DOK6: variants seen among roughly 807,000 people sequenced by gnomAD.
The protein encoded by DOK6 is downstream of tyrosine kinase 6.
In DOK6, 22 loss-of-function variants were observed where a neutral mutation model predicts 44.0. That is an observed-to-expected ratio of 0.50 (90% CI 0.36 to 0.71). DOK6 has a LOEUF of 0.71. Ranked by LOEUF, DOK6 falls within the 30% of genes least tolerant of loss-of-function variation. The pLI, the probability that DOK6 is intolerant of heterozygous loss-of-function variation, is 0.00. For missense variants in DOK6, 340 were observed against 416.4 expected, an observed-to-expected ratio of 0.82 and a Z score of 1.60; for synonymous variants, 166 against 145.5, an observed-to-expected ratio of 1.14 and a Z score of -1.01.
chr18:69,454,967 A>T (rs572205220), intron 1 of DOK6, among the ~76,000 whole-genome samples: 11 of 143,202 alleles, frequency 7.7e-5, no homozygotes, highest in Admixed American at 7.0e-4. Flanking sequence ...CTAGATGACG[A>T]GTTAGTGGGT....
chr18:69,402,604 G>T (rs1916124514), intron 1 of DOK6, among the ~76,000 whole-genome samples: 1 of 152,180 alleles, frequency 6.6e-6, no homozygotes, highest in African/African-American at 2.4e-5. Flanking sequence ...CCTCTGCTGG[G>T]TTTCGCATTA....
intron 7 of DOK6, 122 bp from the exon 8 acceptor site, chr18:69,841,122 C>T (rs150146594): frequency 2.3e-6 from 3 of 1,278,744 alleles, no homozygotes; most frequent in African/African-American, 1.5e-5. Flanking sequence ...GATGTGAAAG[C>T]TGCTGCCTTG....
chr18:69,530,861 G>A (rs113389033), intron 1 of DOK6, among the ~76,000 whole-genome samples: 18,355 of 152,070 alleles, frequency 0.12, 1,481 homozygotes, highest in South Asian at 0.27. Context: ...GTTGACAGTG[G>A]GGTGTTAAAG....
At chr18:69,525,964 A>C (rs1277059366) in intron 1 of DOK6, among the ~76,000 whole-genome samples, 1 of 152,084 alleles carries the variant, frequency 6.6e-6, no homozygotes, top group Non-Finnish European at 1.5e-5. Context: ...GCAGTGATCT[A>C]TACAATTTAA....
intron 1 of DOK6, among the ~76,000 whole-genome samples, chr18:69,554,880 G>A (rs1039817763): frequency 2.0e-5 from 3 of 152,106 alleles, no homozygotes; most frequent in African/African-American, 7.2e-5. Flanking sequence ...CCCTGAGTAC[G>A]AATGTAGTTG....
At chr18:69,690,152 A>C (rs1986233301) in intron 4 of DOK6, among the ~76,000 whole-genome samples, 1 of 152,156 alleles carries the variant, frequency 6.6e-6, no homozygotes, top group African/African-American at 2.4e-5. Flanking sequence ...TAAAGCAAAA[A>C]AGAAATTTCT....
At chr18:69,776,778 G>C (rs1373568826) in intron 7 of DOK6, among the ~76,000 whole-genome samples, 4 of 151,972 alleles carry the variant, frequency 2.6e-5, no homozygotes, top group Admixed American at 6.6e-5. Flanking sequence ...TATAGGTACA[G>C]AAAAATATTT....
At chr18:69,603,615 C>CA (rs1440654856) in intron 3 of DOK6, among the ~76,000 whole-genome samples, 8 of 151,848 alleles carry the variant, frequency 5.3e-5, no homozygotes, top group African/African-American at 1.5e-4. Context: ...ACTAAAAATA[C>CA]AAAAAATTAG....
chr18:69,595,910 A>AT (rs1196808380), intron 2 of DOK6, among the ~76,000 whole-genome samples: 1 of 152,038 alleles, frequency 6.6e-6, no homozygotes, highest in African/African-American at 2.4e-5. Flanking sequence ...CGGCTTAGAG[A>AT]TTTTTGCCCT....
In DOK6 at chr18:69,762,380, G is replaced by A. The variant is rs552295193; in HGVS notation, c.856+4507G>A. ...TTAAAGTCTAGTTATTTTGAATCTC[G>A]CTTTTTCAGCTGTGCTCCTTGAAGT... On this transcript the variant is annotated intron_variant, in intron 7 of 7. Coordinates refer to ENST00000382713, the MANE Select transcript of DOK6 (RefSeq NM_152721.6). Among the ~76,000 whole-genome samples the A allele has an allele frequency of 2.6e-5, 4 of 152,048 alleles. No individual in the cohort carries two copies. The South Asian group carries it at 6.2e-4, about 24-fold the overall frequency.
chr18:69,436,093 A>T (rs1978968717), intron 1 of DOK6, among the ~76,000 whole-genome samples: 1 of 151,904 alleles, frequency 6.6e-6, no homozygotes, highest in Non-Finnish European at 1.5e-5. Context: ...TTAGTTCTAT[A>T]TTAAAATCTA....
At chr18:69,442,349 A>G (rs1979159654) in intron 1 of DOK6, among the ~76,000 whole-genome samples, 1 of 152,176 alleles carries the variant, frequency 6.6e-6, no homozygotes, top group Non-Finnish European at 1.5e-5. Context: ...TTGTCTCACA[A>G]TTCAGCATGG....
At chr18:69,617,477 A>G (rs984260023) in intron 3 of DOK6, among the ~76,000 whole-genome samples, 29 of 147,536 alleles carry the variant, frequency 2.0e-4, no homozygotes, top group African/African-American at 6.3e-4. Flanking sequence ...AAAAGACAGC[A>G]ATAGGAGAAA....
chr18:69,830,607 A>G (rs1482720018), intron 7 of DOK6, among the ~76,000 whole-genome samples: 3 of 152,222 alleles, frequency 2.0e-5, no homozygotes. Flanking sequence ...GAAGCTACCC[A>G]GTCTGTGGCA....
chr18:69,430,658 T>A (rs1978779226), intron 1 of DOK6, among the ~76,000 whole-genome samples: 1 of 152,122 alleles, frequency 6.6e-6, no homozygotes, highest in African/African-American at 2.4e-5. Context: ...TTATAGGAAT[T>A]TTTTTCCCGC....
intron 1 of DOK6, among the ~76,000 whole-genome samples, chr18:69,430,368 G>A (rs527416705): frequency 4.6e-5 from 7 of 152,062 alleles, no homozygotes; most frequent in East Asian, 3.9e-4. Flanking sequence ...TTTTACTTTC[G>A]CTTTTTTATT....
At chr18:69,581,542 A>C (rs1265533293) in intron 2 of DOK6, among the ~76,000 whole-genome samples, 1 of 152,208 alleles carries the variant, frequency 6.6e-6, no homozygotes, top group Non-Finnish European at 1.5e-5. Context: ...TAAGAGATCC[A>C]CATTTCCCTC....
At chr18:69,401,379 G>T in intron 1 of DOK6, 69 bp downstream of exon 1, 1 of 1,362,366 alleles carries the variant, frequency 7.3e-7, no homozygotes, top group African/African-American at 1.6e-5. Context: ...TGGGGGGGGG[G>T]CAGGGAGAGG....
intron 1 of DOK6, among the ~76,000 whole-genome samples, chr18:69,531,901 A>G (rs1020628889): frequency 3.3e-5 from 5 of 152,084 alleles, no homozygotes; most frequent in Non-Finnish European, 5.9e-5. Flanking sequence ...CTAATCCCCA[A>G]TGTGATGATA....
Sources: allele counts gnomAD v4.1 joint callset (sites outside exome capture counted in the v4.1 genomes callset), GRCh38; gene constraint gnomAD v4.1.1; transcripts MANE v1.5; gene names NCBI Gene and HGNC (gene_info 2026-07-23, HGNC 2026-07-21).